Variants in AHCYL2 observed in about 807,000 individuals in gnomAD.
AHCYL2 encodes adenosylhomocysteinase like 2.
AHCYL2 carries 28 observed loss-of-function variants against 81.4 expected under a neutral mutation model. The ratio of observed to expected loss-of-function variants is 0.34; its 90% CI spans 0.25 to 0.47. The LOEUF is 0.47. Ranked by LOEUF, AHCYL2 falls within the 20% of genes least tolerant of loss-of-function variation. The pLI, the probability that AHCYL2 is intolerant of heterozygous loss-of-function variation, is 1.00. For missense variants in AHCYL2, 551 were observed against 785.1 expected, an observed-to-expected ratio of 0.70 and a Z score of 3.56; for synonymous variants, 272 against 290.2, an observed-to-expected ratio of 0.94 and a Z score of 0.64.
At chr7:129,370,629 C>T (rs1177257554) in intron 1 of AHCYL2, among the ~76,000 whole-genome samples, 1 of 152,196 alleles carries the variant, frequency 6.6e-6, no homozygotes, top group African/African-American at 2.4e-5. Context: ...ACCCGGGAGG[C>T]AGAGCTTACA....
At position 129,373,650 on chromosome 7, in the gene AHCYL2, G is replaced by A. The variant is rs1794530293; in HGVS notation, c.364-5988G>A. 2.0e-5 allele frequency among the ~76,000 whole-genome samples: 3 copies of A among 152,010 alleles called. No homozygotes were observed. In the South Asian group the frequency reaches 6.2e-4, roughly 32 times the overall value. On this transcript the variant is annotated intron_variant, in intron 1 of 16. Transcript: ENST00000325006. ...CAGACAAAACTTGTTAAGTGGTAAG[G>A]CTTTTCCTGTCTCCTAAAATGTCTT...
intron 11 of AHCYL2, 81 bp from the exon 12 acceptor site, chr7:129,413,513 T>C: frequency 9.2e-7 from 1 of 1,084,700 alleles, no homozygotes; most frequent in Non-Finnish European, 1.4e-6. Flanking sequence ...CCCTCATCAG[T>C]TATATGATTT....
chr7:129,413,686 G>C lies in AHCYL2; in HGVS notation c.1459G>C (p.Val487Leu). The C allele has an allele frequency of 1.2e-6, 2 of 1,613,674 alleles. No homozygotes were observed. Among genetic ancestry groups the C allele is most frequent in the South Asian group, 1.1e-5 (1 of 91,078 alleles). The change falls in exon 12 of 17, where the codon GTG becomes CTG. Residue 487 changes from valine to leucine, a missense_variant and splice_region_variant. Around this residue, in one of 2 missense-constraint regions of AHCYL2, gnomAD observed 316 missense variants for 543.1 expected, o/e 0.58. Coordinates refer to ENST00000325006, the MANE Select transcript of AHCYL2 (RefSeq NM_015328.4). ...NMGHSNTEIDVASLRTPELTW... is the reference protein window; with the variant it reads ...NMGHSNTEIDLASLRTPELTW... ...GGGACATTCCAACACAGAGATTGACGTGGTAAGATCAAGTAGCTCATTATT... is the reference window on the plus strand; with the variant it reads ...GGGACATTCCAACACAGAGATTGACCTGGTAAGATCAAGTAGCTCATTATT...
intron 10 of AHCYL2, among the ~76,000 whole-genome samples, chr7:129,407,317 G>A (rs1052916884): frequency 6.6e-6 from 1 of 152,028 alleles, no homozygotes; most frequent in East Asian, 1.9e-4. Flanking sequence ...ATGCCACTAC[G>A]CTCCAGCCTG....
intron 1 of AHCYL2, among the ~76,000 whole-genome samples, chr7:129,346,509 T>C (rs1264488758): frequency 6.6e-6 from 1 of 152,108 alleles, no homozygotes; most frequent in Non-Finnish European, 1.5e-5. Context: ...GATATATAGA[T>C]GTCAAATAAG....
At chr7:129,424,371 G>T (rs1797258898) in intron 13 of AHCYL2, among the ~76,000 whole-genome samples, 1 of 152,128 alleles carries the variant, frequency 6.6e-6, no homozygotes, top group African/African-American at 2.4e-5. Context: ...TGGAACTCCA[G>T]CCTGGGCAAC....
At chr7:129,317,380 AATTT>A (rs1255803611) in intron 1 of AHCYL2, among the ~76,000 whole-genome samples, 1 of 152,206 alleles carries the variant, frequency 6.6e-6, no homozygotes, top group Non-Finnish European at 1.5e-5. Flanking sequence ...AGAGGCATAA[AATTT>A]ATTGAACCAC....
intron 1 of AHCYL2, among the ~76,000 whole-genome samples, chr7:129,349,750 A>T (rs1793491683): frequency 6.6e-6 from 1 of 151,924 alleles, no homozygotes; most frequent in African/African-American, 2.4e-5. Flanking sequence ...TACTAAAGAG[A>T]TAGGGCTATG....
At position 129,397,461 on chromosome 7, in the gene AHCYL2, T is replaced by G. The variant is rs545834923; in HGVS notation, c.823+137T>G. 4 of 929,802 alleles carry G rather than the reference T, an allele frequency of 4.3e-6. No homozygotes were observed. In the East Asian group the frequency reaches 8.0e-5, roughly 19 times the overall value. The allele number at this position is 929,802 out of a possible 1,614,324, so 57.6% of individuals were successfully genotyped here. ...GAAATGGATCTCGATTCTTCATGAA[T>G]TTGCTCTTTTTCTGGCCTTCGCTTG... is the stretch of plus-strand genomic sequence containing the variant. On this transcript the variant is annotated intron_variant, in intron 5 of 16. Transcript: ENST00000325006.
chr7:129,267,565 A>G (rs1255637691), intron 1 of AHCYL2, among the ~76,000 whole-genome samples: 6 of 152,098 alleles, frequency 3.9e-5, no homozygotes, highest in Non-Finnish European at 8.8e-5. Context: ...TTGGCCTCCA[A>G]AGGTGCTGGG....
chr7:129,236,489 A>G (rs1363731636), intron 1 of AHCYL2, among the ~76,000 whole-genome samples: 2 of 151,712 alleles, frequency 1.3e-5, no homozygotes, highest in Non-Finnish European at 2.9e-5. Flanking sequence ...GTGTGAGCCA[A>G]TGTACCTGGC....
At chr7:129,235,704 T>C (rs1008961224) in intron 1 of AHCYL2, among the ~76,000 whole-genome samples, 1 of 152,230 alleles carries the variant, frequency 6.6e-6, no homozygotes, top group Non-Finnish European at 1.5e-5. Flanking sequence ...TATAATAACT[T>C]GTACATAAAT....
intron 1 of AHCYL2, among the ~76,000 whole-genome samples, chr7:129,370,127 GAATC>G (rs922896761): frequency 6.6e-6 from 1 of 152,158 alleles, no homozygotes; most frequent in African/African-American, 2.4e-5. Context: ...TGCCAACTCA[GAATC>G]AATCAAAGTT....
intron 1 of AHCYL2, among the ~76,000 whole-genome samples, chr7:129,347,276 G>A (rs1389155224): frequency 6.6e-6 from 1 of 152,170 alleles, no homozygotes; most frequent in Non-Finnish European, 1.5e-5. Flanking sequence ...AATGTAAACT[G>A]TGGACTTTGG....
intron 10 of AHCYL2, among the ~76,000 whole-genome samples, chr7:129,408,379 A>G (rs1469991477): frequency 1.3e-5 from 2 of 152,220 alleles, no homozygotes; most frequent in Non-Finnish European, 2.9e-5. Context: ...TATGGAATTA[A>G]AGAAAAAGAG....
At chr7:129,409,187 G>C (rs1796448148) in intron 10 of AHCYL2, among the ~76,000 whole-genome samples, 1 of 152,152 alleles carries the variant, frequency 6.6e-6, no homozygotes, top group African/African-American at 2.4e-5. Flanking sequence ...CAATGGGGTA[G>C]TTGGTTAAAT....
chr7:129,242,572 C>G (rs545500727), intron 1 of AHCYL2, among the ~76,000 whole-genome samples: 1 of 151,968 alleles, frequency 6.6e-6, no homozygotes, highest in Non-Finnish European at 1.5e-5. Flanking sequence ...AAAAAATTAG[C>G]GGGGTGTGGT....
At chr7:129,347,184 C>T (rs982653480) in intron 1 of AHCYL2, among the ~76,000 whole-genome samples, 6 of 151,760 alleles carry the variant, frequency 4.0e-5, no homozygotes, top group Admixed American at 3.9e-4. Context: ...TGAAATCATC[C>T]TGTATAATGC....
intron 1 of AHCYL2, among the ~76,000 whole-genome samples, chr7:129,369,649 T>A (rs1794283444): frequency 6.7e-6 from 1 of 149,468 alleles, no homozygotes; most frequent in African/African-American, 2.5e-5. Context: ...GCTTCCTGGG[T>A]TCAAGTGATT....
Sources: allele counts gnomAD v4.1 joint callset (sites outside exome capture counted in the v4.1 genomes callset), GRCh38; gene constraint gnomAD v4.1.1; regional missense constraint gnomAD v4.1.1; transcripts MANE v1.5; gene names NCBI Gene and HGNC (gene_info 2026-07-23, HGNC 2026-07-21).